Variants in VEGFC observed in about 807,000 individuals in gnomAD.
The protein encoded by VEGFC is vascular endothelial growth factor C.
Under a neutral mutation model 46.1 loss-of-function variants are expected in VEGFC, and 12 were observed. That is an observed-to-expected ratio of 0.26 (90% CI 0.17 to 0.42). The LOEUF is 0.42. Ranked by LOEUF, VEGFC falls within the 10% of genes least tolerant of loss-of-function variation. VEGFC has a pLI of 1.00. For missense variants in VEGFC, 488 were observed against 529.4 expected, an observed-to-expected ratio of 0.92 and a Z score of 0.77; for synonymous variants, 232 against 195.5, an observed-to-expected ratio of 1.19 and a Z score of -1.56.
intron 1 of VEGFC, among the ~76,000 whole-genome samples, chr4:176,779,424 A>G (rs978268445): frequency 6.6e-6 from 1 of 152,186 alleles, no homozygotes; most frequent in Non-Finnish European, 1.5e-5. Flanking sequence ...AGAAGTTTAA[A>G]ATGTTTTAAT....
intron 3 of VEGFC, among the ~76,000 whole-genome samples, chr4:176,717,428 G>A (rs1385925028): frequency 6.6e-6 from 1 of 152,112 alleles, no homozygotes; most frequent in Non-Finnish European, 1.5e-5. Context: ...CAACAAGAAT[G>A]GACTTCAAAT....
intron 3 of VEGFC, among the ~76,000 whole-genome samples, chr4:176,720,685 C>CA (rs1385688694): frequency 6.6e-6 from 1 of 151,334 alleles, no homozygotes; most frequent in East Asian, 1.9e-4. Flanking sequence ...ACTACAAATA[C>CA]AAAAAATTAG....
intron 3 of VEGFC, among the ~76,000 whole-genome samples, chr4:176,716,638 G>A (rs1283355819): frequency 1.3e-5 from 2 of 149,622 alleles, no homozygotes; most frequent in African/African-American, 2.5e-5. Context: ...CTCACGGTGA[G>A]GGTGAATGAG....
chr4:176,739,834 C>T (rs1310271855), intron 1 of VEGFC, among the ~76,000 whole-genome samples: 1 of 150,282 alleles, frequency 6.7e-6, no homozygotes, highest in Non-Finnish European at 1.5e-5. Context: ...AGATTGAAAT[C>T]GAGAGAGGAA....
chr4:176,736,313 T>A (rs1374892607), intron 1 of VEGFC, among the ~76,000 whole-genome samples: 1 of 151,856 alleles, frequency 6.6e-6, no homozygotes, highest in African/African-American at 2.4e-5. Context: ...TCTCTTGATT[T>A]ATATAACTTT....
intron 1 of VEGFC, among the ~76,000 whole-genome samples, chr4:176,740,097 TAC>T (rs201783791): frequency 0.19 from 3,749 of 19,876 alleles, 422 homozygotes; most frequent in South Asian, 0.31. Flanking sequence ...ATATATTCTA[TAC>T]ATATATTCTA....
chr4:176,722,005 A>C (rs895182452), intron 3 of VEGFC, among the ~76,000 whole-genome samples: 1 of 152,222 alleles, frequency 6.6e-6, no homozygotes, highest in Non-Finnish European at 1.5e-5. Flanking sequence ...AAATCTTCAA[A>C]TCTTTAAAAA....
intron 4 of VEGFC, among the ~76,000 whole-genome samples, chr4:176,701,527 T>A (rs1734432919): frequency 6.6e-6 from 1 of 152,168 alleles, no homozygotes; most frequent in Non-Finnish European, 1.5e-5. Context: ...TTTTAGAAGG[T>A]AGAAACAAGA....
At chr4:176,701,758 T>C (rs1298679630) in intron 4 of VEGFC, among the ~76,000 whole-genome samples, 3 of 152,092 alleles carry the variant, frequency 2.0e-5, no homozygotes, top group Non-Finnish European at 4.4e-5. Context: ...TATATGGACA[T>C]AAAGATTTTG....
At chr4:176,791,670 C>A (rs1736095726) in intron 1 of VEGFC, among the ~76,000 whole-genome samples, 1 of 152,142 alleles carries the variant, frequency 6.6e-6, no homozygotes. Context: ...TTACTAAAGT[C>A]CCTGACACTT....
At position 176,792,237 on chromosome 4, in the gene VEGFC, C is replaced by A. The variant is rs756234227; in HGVS notation, c.75G>T (p.Ala25=). The change falls in exon 1 of 7, where the codon GCG becomes GCT. Residue 25 remains alanine, a synonymous_variant. Coordinates refer to ENST00000618562, the MANE Select transcript of VEGFC (RefSeq NM_005429.5). The surrounding 1 kb of genome is among the most constrained non-coding windows in gnomAD (Gnocchi z 6.3). ...AAALLPGPRE[A]PAAAAAFESG... ...ACTCGAAGGCGGCGGCGGCGGCGGG[C>A]GCCTCGCGAGGACCCGGGAGCAGCG... 4.5e-6 allele frequency: 7 copies of A among 1,553,536 alleles called. No individual in the cohort carries two copies. The South Asian group carries it at 5.9e-5, about 13-fold the overall frequency.
intron 1 of VEGFC, among the ~76,000 whole-genome samples, chr4:176,735,312 C>T (rs1329730539): frequency 2.0e-5 from 3 of 151,836 alleles, no homozygotes; most frequent in Non-Finnish European, 4.4e-5. Context: ...TAATTTAAGA[C>T]TACTTTGCTT....
At chr4:176,744,556 G>C (rs953856564) in intron 1 of VEGFC, among the ~76,000 whole-genome samples, 1 of 151,984 alleles carries the variant, frequency 6.6e-6, no homozygotes, top group Non-Finnish European at 1.5e-5. Context: ...TAGGATGAAA[G>C]ATGGCATTTA....
At chr4:176,697,115 A>G (rs1338205524) in intron 4 of VEGFC, among the ~76,000 whole-genome samples, 1 of 152,068 alleles carries the variant, frequency 6.6e-6, no homozygotes, top group African/African-American at 2.4e-5. Context: ...AATGGCAACA[A>G]AAGACAAAAT....
At position 176,792,135 on chromosome 4, in the gene VEGFC, G is replaced by A. The variant is rs553315457; in HGVS notation, c.147+30C>T. 31 of 1,438,016 alleles carry A rather than the reference G, an allele frequency of 2.2e-5. No individual in the cohort carries two copies. The South Asian group carries it at 4.3e-4, about 20-fold the overall frequency. 89.1% of individuals were successfully genotyped at this position (1,438,016 alleles called of 1,614,324 possible). A position where few individuals can be genotyped will look rare whatever the true frequency, so the allele number is the denominator to read the frequency against. Reference sequence around the variant, plus strand: ...CCGCAGACCCTAACGCAAACTCTCGGGTTCTCCGCAAACCCTAACGCAGAC... The same window carrying A: ...CCGCAGACCCTAACGCAAACTCTCGAGTTCTCCGCAAACCCTAACGCAGAC... On this transcript the variant is annotated intron_variant, in intron 1 of 6. Transcript: ENST00000618562. This position sits in a 1 kb window ranked among gnomAD's most constrained non-coding sequence, Gnocchi z 6.3.
At chr4:176,690,545 G>A (rs370786678) in intron 4 of VEGFC, among the ~76,000 whole-genome samples, 3 of 151,790 alleles carry the variant, frequency 2.0e-5, no homozygotes, top group East Asian at 3.9e-4. Context: ...GCGCATTTTT[G>A]TCATTATTTT....
At chr4:176,698,282 G>T (rs1230095741) in intron 4 of VEGFC, among the ~76,000 whole-genome samples, 1 of 151,668 alleles carries the variant, frequency 6.6e-6, no homozygotes, top group Non-Finnish European at 1.5e-5. Flanking sequence ...GAGATTTCTT[G>T]ACTCCTCAAA....
chr4:176,726,324 T>C (rs960404704), intron 3 of VEGFC, among the ~76,000 whole-genome samples: 2 of 152,306 alleles, frequency 1.3e-5, no homozygotes, highest in Non-Finnish European at 2.9e-5. Context: ...GCTGTGCTTT[T>C]AGGAAATAAT....
At chr4:176,691,641 T>G (rs1734181181) in intron 4 of VEGFC, among the ~76,000 whole-genome samples, 1 of 152,346 alleles carries the variant, frequency 6.6e-6, no homozygotes, top group African/African-American at 2.4e-5. Flanking sequence ...GTATATGTGT[T>G]TTTCAAACTA....
Sources: allele counts gnomAD v4.1 joint callset (sites outside exome capture counted in the v4.1 genomes callset), GRCh38; gene constraint gnomAD v4.1.1; non-coding constraint Gnocchi (gnomAD v3.1); transcripts MANE v1.5; gene names NCBI Gene and HGNC (gene_info 2026-07-23, HGNC 2026-07-21).